RGS20: variants seen among roughly 807,000 people sequenced by gnomAD.
RGS20 encodes regulator of G protein signaling 20.
In RGS20, 30 loss-of-function variants were observed where a neutral mutation model predicts 33.6. The observed-to-expected ratio is 0.89, with a 90% confidence interval of 0.67 to 1.21. RGS20 has a LOEUF of 1.21. Among genes scored for constraint, RGS20 ranks in the 50% most tolerant of loss-of-function variants. The pLI, the probability that RGS20 is intolerant of heterozygous loss-of-function variation, is 0.00. For missense variants in RGS20, 472 were observed against 502.4 expected (o/e 0.94, Z 0.58); for synonymous variants, 208 against 197.9 (o/e 1.05, Z -0.43).
chr8:53,856,459 T>G (rs549721084), intron 1 of RGS20, among the ~76,000 whole-genome samples: 8 of 152,270 alleles, frequency 5.3e-5, no homozygotes, highest in African/African-American at 1.9e-4. Flanking sequence ...TCTCATGTGA[T>G]CCACCTGCCT....
intron 1 of RGS20, among the ~76,000 whole-genome samples, chr8:53,863,674 G>A (rs1401762626): frequency 6.6e-6 from 1 of 151,564 alleles, no homozygotes; most frequent in Non-Finnish European, 1.5e-5. Flanking sequence ...GCCAAGAATT[G>A]GTTTTTGAAT....
intron 2 of RGS20, among the ~76,000 whole-genome samples, chr8:53,911,880 G>T (rs767894932): frequency 2.6e-5 from 4 of 152,182 alleles, no homozygotes; most frequent in South Asian, 2.1e-4. Flanking sequence ...GGTGAAAGTC[G>T]CAATTAGCCG....
At chr8:53,931,128 A>T (rs1163197882) in intron 2 of RGS20, among the ~76,000 whole-genome samples, 1 of 152,160 alleles carries the variant, frequency 6.6e-6, no homozygotes. Flanking sequence ...GAGCCACACC[A>T]ACTCAGTAAC....
chr8:53,952,081 CATT>C (rs1182017500), intron 4 of RGS20, among the ~76,000 whole-genome samples: 2 of 146,826 alleles, frequency 1.4e-5, no homozygotes, highest in African/African-American at 2.5e-5. Flanking sequence ...TATTTTACAT[CATT>C]ATTATTTTTT....
intron 2 of RGS20, among the ~76,000 whole-genome samples, chr8:53,925,978 C>T (rs537917206): frequency 3.3e-5 from 5 of 152,050 alleles, no homozygotes; most frequent in African/African-American, 1.2e-4. Flanking sequence ...CTCAGCACTT[C>T]GGAAGGCTGA....
chr8:53,852,012 T>C lies in RGS20; in HGVS notation c.113T>C (p.Ile38Thr), dbSNP rs1811576869. ...AGGGCTCAGAGATATAATACAGACA[T>C]TCACCAAATCACAGAAAATGAAGGA... Residue 38 changes from isoleucine to threonine, a missense_variant, in exon 1 of 6, where the codon ATT becomes ACT. Around this residue, in one of 3 missense-constraint regions of RGS20, gnomAD observed 28 missense variants for 49.6 expected, o/e 0.57. Coordinates refer to ENST00000297313, the MANE Select transcript of RGS20 (RefSeq NM_170587.4). 1 of 1,614,034 alleles carries C rather than the reference T, an allele frequency of 6.2e-7. No homozygotes were observed. Among genetic ancestry groups the C allele is most frequent in the Non-Finnish European group, 8.5e-7 (1 of 1,179,966 alleles).
chr8:53,943,575 AC>A (rs1814369882), intron 3 of RGS20, among the ~76,000 whole-genome samples: 2 of 152,312 alleles, frequency 1.3e-5, no homozygotes, highest in South Asian at 4.1e-4. Context: ...TGTAACAATA[AC>A]AGTGGACCGA....
rs946934274 is a variant in RGS20 at position 53,853,632 on chromosome 8, A to G, written c.165+1568A>G. The stretch of plus-strand genomic sequence containing the variant: ...ATCTAGCAAATGTAAGGATGGAAAC[A>G]CTCAACTCATTTTGAGTCTGCAGAT... On this transcript the variant is annotated intron_variant, in intron 1 of 5. Coordinates refer to ENST00000297313, the MANE Select transcript of RGS20 (RefSeq NM_170587.4). Among the ~76,000 whole-genome samples, 21 of 152,308 alleles carry G rather than the reference A, an allele frequency of 1.4e-4. No individual in the cohort carries two copies. The East Asian group carries it at 3.9e-3, about 28-fold the overall frequency.
chr8:53,910,346 C>A (rs1357376934), intron 2 of RGS20, among the ~76,000 whole-genome samples: 1 of 151,944 alleles, frequency 6.6e-6, no homozygotes, highest in Non-Finnish European at 1.5e-5. Context: ...AAAAGATGTT[C>A]AACATTATCA....
Position 53,851,814 on chromosome 8 carries a change from C to CCAAA in RGS20, c.-81_-78dup, listed in dbSNP as rs1443411798. The CCAAA allele has an allele frequency of 1.4e-6, 2 of 1,428,754 alleles. No homozygotes were observed. The highest frequency in any genetic ancestry group is 4.6e-5 in the East Asian group (2 of 43,570). 88.5% of individuals were successfully genotyped at this position (1,428,754 alleles called of 1,614,324 possible). A position where few individuals can be genotyped will look rare whatever the true frequency, so the allele number is the denominator to read the frequency against. On this transcript the variant is annotated 5_prime_UTR_variant, in exon 1 of 6. Coordinates refer to ENST00000297313, the MANE Select transcript of RGS20 (RefSeq NM_170587.4). The stretch of plus-strand genomic sequence containing the variant: ...AGATTCAGAGCCAGCCCAGCATTAA[C>CCAAA]CAAACAAAGAGAAGCAGAGTGGATC...
intron 2 of RGS20, among the ~76,000 whole-genome samples, chr8:53,895,480 G>C (rs1812832016): frequency 6.6e-6 from 1 of 152,064 alleles, no homozygotes; most frequent in Non-Finnish European, 1.5e-5. Flanking sequence ...ATAATCAGTA[G>C]GATCTTACTA....
At chr8:53,926,503 C>T (rs779332950) in intron 2 of RGS20, among the ~76,000 whole-genome samples, 38 of 152,098 alleles carry the variant, frequency 2.5e-4, no homozygotes, top group Non-Finnish European at 4.6e-4. Context: ...GGTGTTTCAT[C>T]GTATTCTCAA....
chr8:53,858,115 G>A (rs1833963349), intron 1 of RGS20, among the ~76,000 whole-genome samples: 1 of 152,152 alleles, frequency 6.6e-6, no homozygotes, highest in Non-Finnish European at 1.5e-5. Flanking sequence ...TAGCTAACTT[G>A]GACAATCCCT....
At chr8:53,874,316 G>A (rs1812143901) in intron 1 of RGS20, among the ~76,000 whole-genome samples, 1 of 152,132 alleles carries the variant, frequency 6.6e-6, no homozygotes, top group Non-Finnish European at 1.5e-5. Context: ...AGAAAGATCA[G>A]TGAAAGGTGT....
At position 53,863,500 on chromosome 8, in the gene RGS20, G is replaced by A. The variant is rs182735926; in HGVS notation, c.165+11436G>A. On this transcript the variant is annotated intron_variant, in intron 1 of 5. Coordinates refer to ENST00000297313, the MANE Select transcript of RGS20 (RefSeq NM_170587.4). Reference sequence around the variant, plus strand: ...GGAAATCCAAGCACTGCAGCACTTCGAACCAGTGCGACTTGAGGCTCAGTT... The same window carrying A: ...GGAAATCCAAGCACTGCAGCACTTCAAACCAGTGCGACTTGAGGCTCAGTT... Among the ~76,000 whole-genome samples the A allele has an allele frequency of 2.0e-4, 30 of 152,228 alleles. No homozygotes were observed. The East Asian group carries it at 5.4e-3, about 27-fold the overall frequency.
intron 4 of RGS20, among the ~76,000 whole-genome samples, chr8:53,953,568 G>T (rs775021595): frequency 6.6e-6 from 1 of 151,538 alleles, no homozygotes; most frequent in Non-Finnish European, 1.5e-5. Context: ...ACAGTACAGC[G>T]GTGGCATTTA....
chr8:53,933,514 T>C (rs1052260809), intron 2 of RGS20, among the ~76,000 whole-genome samples: 1 of 151,976 alleles, frequency 6.6e-6, no homozygotes, highest in Admixed American at 6.6e-5. Context: ...ATATCAGAGA[T>C]TGAAGATCAA....
chr8:53,928,643 G>A (rs1813867775), intron 2 of RGS20, among the ~76,000 whole-genome samples: 1 of 151,916 alleles, frequency 6.6e-6, no homozygotes, highest in Non-Finnish European at 1.5e-5. Context: ...GACCAAAATG[G>A]AGAAACCCCA....
In RGS20 at chr8:53,904,793, T is replaced by C. The variant is rs16919669; in HGVS notation, c.510+25191T>C. Among the ~76,000 whole-genome samples the C allele has an allele frequency of 7.5e-4, 115 of 152,332 alleles. 1 individual carries two copies. Among genetic ancestry groups the C allele is most frequent in the African/African-American group, 2.7e-3 (111 of 41,580 alleles). On this transcript the variant is annotated intron_variant, in intron 2 of 5. Coordinates refer to ENST00000297313, the MANE Select transcript of RGS20 (RefSeq NM_170587.4). ...AAGATTTCAATCAGTACTTACAAAA[T>C]GGTCCTTCGTTGTTGGCTGACATTA...
Sources: gnomAD v4.1 joint callset for allele counts (sites outside exome capture counted in the v4.1 genomes callset) on GRCh38, gnomAD v4.1.1 for gene constraint, gnomAD v4.1.1 regional missense constraint, MANE v1.5 for transcripts, NCBI Gene and HGNC (gene_info 2026-07-23, HGNC 2026-07-21) for gene names.